Variants in IL9R observed in about 807,000 individuals in gnomAD.
IL9R encodes the protein interleukin-9 receptor.
In IL9R, 54 loss-of-function variants were observed where a neutral mutation model predicts 56.3. The ratio of observed to expected loss-of-function variants is 0.96; its 90% confidence interval spans 0.77 to 1.20. The LOEUF (loss-of-function observed/expected upper bound fraction) is 1.20, where lower values mean the gene tolerates loss of function less well. IL9R is among the 50% of genes most tolerant of loss of function. The pLI is 0.00. For synonymous variants in IL9R, 212 were observed against 250.2 expected (o/e 0.85, Z 1.44); for missense variants, 545 against 629.8 (o/e 0.87, Z 1.44).
At chrX:156,004,655 C>T (rs903304961) in intron 5 of IL9R, 90 bp downstream of exon 5, 188 of 1,331,000 alleles carry the variant, frequency 1.4e-4, no homozygotes, top group Non-Finnish European at 1.8e-4. Flanking sequence ...GAGATGTCAA[C>T]TTGTAGTGAT....
At chrX:156,005,203 T>C in intron 5 of IL9R, 75 bp from the exon 6 acceptor site, 1 of 1,125,804 alleles carries the variant, frequency 8.9e-7, no homozygotes, top group Non-Finnish European at 1.4e-6. Context: ...GAGCATATAA[T>C]GCATGTGTGT....
intron 1 of IL9R, among the ~76,000 whole-genome samples, chrX:156,000,145 A>AATATATATAT (rs1556394101): frequency 4.9e-5 from 7 of 144,278 alleles, no homozygotes; most frequent in African/African-American, 1.3e-4. Flanking sequence ...AAAAAAAAAA[A>AATATATATAT]ATATATATAT....
At position 156,005,023 on chromosome X, in the gene IL9R, A is replaced by G. The variant is rs907228994; in HGVS notation, c.580-255A>G. Among the ~76,000 whole-genome samples the G allele has an allele frequency of 4.6e-5, 7 of 151,788 alleles. No homozygotes were observed. The East Asian group carries it at 7.8e-4, about 17-fold the overall frequency. ...TATGAGTGTGCATGCAAGTGTGATG[A>G]GTGTGAAAGTGTTCCTGTAGACATG... On this transcript the variant is annotated intron_variant, in intron 5 of 8. Transcript: ENST00000244174.
chrX:156,010,291 C>A lies in IL9R; in HGVS notation c.1448C>A (p.Thr483Asn). ...TCTTGTGACCATCAGGGCCTGGAGACCCAGCAAGGAGTTGCCTGGGTGCTG... is the reference window on the plus strand; with the variant it reads ...TCTTGTGACCATCAGGGCCTGGAGAACCAGCAAGGAGTTGCCTGGGTGCTG... ...GLSCDHQGLETQQGVAWVLAG... is the reference protein window; with the variant it reads ...GLSCDHQGLENQQGVAWVLAG... Residue 483 changes from threonine (T) to asparagine (N), a missense_variant, in exon 9 of 9, where the codon ACC (threonine) becomes AAC (asparagine). This residue lies in a region of IL9R where 114 missense variants were observed against 269.8 expected (regional missense o/e 0.42). Coordinates refer to ENST00000244174, the MANE Select transcript of IL9R (RefSeq NM_002186.3). 1 of 1,045,824 alleles carries A rather than the reference C, an allele frequency of 9.6e-7. No individual in the cohort carries two copies. Among genetic ancestry groups the A allele is most frequent in the Non-Finnish European group, 1.3e-6 (1 of 772,624 alleles). 64.8% of individuals were successfully genotyped at this position (1,045,824 alleles called of 1,614,324 possible).
Position 156,003,842 on chromosome X carries a change from G to A in IL9R, c.420G>A (p.Leu140=), listed in dbSNP as rs750523998. 3 of 1,613,916 alleles carry A rather than the reference G, an allele frequency of 1.9e-6. No homozygotes were observed. Among genetic ancestry groups the A allele is most frequent in the Non-Finnish European group, 2.5e-6 (3 of 1,179,842 alleles). ...EQVSLVDPEY[L]PRRHVKLDPP... is the part of the protein sequence containing the mutation. ...TCAGCCTGGTGGACCCGGAGTACCT[G>A]CCCCGGAGACACGGTGAGCAGCAGC... Residue 140 remains leucine (L), a synonymous_variant, in exon 4 of 9, where the codon CTG becomes CTA. Coordinates refer to ENST00000244174, the MANE Select transcript of IL9R (RefSeq NM_002186.3).
At chrX:156,002,099 TG>T (rs1388540623) in intron 1 of IL9R, among the ~76,000 whole-genome samples, 2 of 151,768 alleles carry the variant, frequency 1.3e-5, no homozygotes, top group African/African-American at 2.4e-5. Context: ...CCCAACACTT[TG>T]GGAGGCCAAG....
At chrX:156,007,897 A>T (rs1315370898) in intron 8 of IL9R, 1 of 337,516 alleles carries the variant, frequency 3.0e-6, no homozygotes, top group Non-Finnish European at 4.8e-6. Flanking sequence ...TCTGGTTTGC[A>T]GCTTTCTGCA....
At chrX:156,002,880 A>G in intron 1 of IL9R, 26 bp from the exon 2 acceptor site, 1 of 1,613,492 alleles carries the variant, frequency 6.2e-7, no homozygotes, top group Non-Finnish European at 8.5e-7. Context: ...TGATTTGCAC[A>G]GGGCCCTCAG....
intron 1 of IL9R, among the ~76,000 whole-genome samples, chrX:156,000,143 A>ATATATATATAT (rs1220909165): frequency 2.7e-4 from 35 of 129,862 alleles, no homozygotes; most frequent in African/African-American, 1.1e-3. Context: ...CTAAAAAAAA[A>ATATATATATAT]AAATATATAT....
rs1222014446 is a variant in IL9R, at chrX:156,009,097, CTGTGTGTG to C, written c.973-715_973-708del. ...TCTGTGTGTGTTTGTGTGTGTGTGT[CTGTGTGTG>C]TGTTTATGTGTCTGTGTATGTTTGT... On this transcript the variant is annotated intron_variant, in intron 8 of 8. Coordinates refer to ENST00000244174, the MANE Select transcript of IL9R (RefSeq NM_002186.3). 1.3e-4 allele frequency among the ~76,000 whole-genome samples: 11 copies of C among 87,082 alleles called. No homozygotes were observed. The South Asian group carries it at 3.8e-3, about 30-fold the overall frequency. 57.1% of individuals were successfully genotyped at this position (87,082 alleles called of 152,430 possible).
intron 1 of IL9R, 74 bp downstream of exon 1, chrX:155,997,861 C>T (rs1249622985): frequency 3.5e-6 from 5 of 1,418,974 alleles, no homozygotes; most frequent in Admixed American, 1.7e-5. Flanking sequence ...GACATGTGGC[C>T]CTCCAACTCG....
In IL9R at chrX:156,005,537, C is replaced by T. The variant is rs751810981; in HGVS notation, c.781+58C>T. On this transcript the variant is annotated intron_variant, in intron 6 of 8. Transcript: ENST00000244174. ...GGAGTCTGGGCTGGGCGTCTTCTCC[C>T]CTGTTCACCTCAGCCCTGCACCCTT... is the stretch of plus-strand genomic sequence containing the variant. The T allele has an allele frequency of 2.2e-4, 313 of 1,430,636 alleles. 1 individual carries two copies. The highest frequency in any genetic ancestry group is 2.8e-4 in the Non-Finnish European group (286 of 1,016,614). 88.6% of individuals were successfully genotyped at this position (1,430,636 alleles called of 1,614,324 possible). A position where few individuals can be genotyped will look rare whatever the true frequency, so the allele number is the denominator to read the frequency against.
intron 5 of IL9R, 80 bp downstream of exon 5, chrX:156,004,645 G>A: frequency 7.1e-7 from 1 of 1,413,764 alleles, no homozygotes; most frequent in East Asian, 2.3e-5. Context: ...TCTACATAGG[G>A]AGATGTCAAC....
rs2067852409 is a variant in IL9R at position 156,005,360 on chromosome X, A to C, written c.662A>C (p.Glu221Ala). 3 of 1,612,810 alleles carry C rather than the reference A, an allele frequency of 1.9e-6. No homozygotes were observed. The highest frequency in any genetic ancestry group is 2.5e-6 in the Non-Finnish European group (3 of 1,179,800). The change falls in exon 6 of 9, where the codon GAG becomes GCG. Residue 221 changes from glutamate (E) to alanine (A), a missense_variant. Glu to Ala is a moderately radical substitution (Grantham distance 107). This residue lies in a region of IL9R where 431 missense variants were observed against 360.0 expected (regional missense o/e 1.20). Transcript: ENST00000244174. ...AFELDPGFIH[E>A]ARLRVQMATL... is the part of the protein sequence containing the mutation. ...GAGCTGGACCCTGGCTTTATCCATG[A>C]GGCCAGGCTGCGTGTCCAGATGGCC...
At chrX:156,009,161 ATG>A (rs1569478870) in intron 8 of IL9R, among the ~76,000 whole-genome samples, 4 of 71,968 alleles carry the variant, frequency 5.6e-5, no homozygotes, top group African/African-American at 2.6e-4. Flanking sequence ...GTTTGTGTTT[ATG>A]TGTGTATGTC....
intron 6 of IL9R, among the ~76,000 whole-genome samples, chrX:156,005,842 C>T (rs752037408): frequency 6.0e-5 from 9 of 150,620 alleles, no homozygotes; most frequent in African/African-American, 1.8e-4. Flanking sequence ...TATGACCCAC[C>T]TTGTGGCAGA....
intron 8 of IL9R, among the ~76,000 whole-genome samples, chrX:156,009,075 GTGTGTGTT>G (rs2068233297): frequency 6.6e-6 from 1 of 150,604 alleles, no homozygotes; most frequent in Non-Finnish European, 1.5e-5. Flanking sequence ...GTGTGTGTCT[GTGTGTGTT>G]TGTGTGTGTG....
intron 7 of IL9R, among the ~76,000 whole-genome samples, chrX:156,007,281 A>T (rs1393057161): frequency 7.0e-6 from 1 of 142,782 alleles, no homozygotes; most frequent in African/African-American, 2.7e-5. Context: ...TGAACCCGCC[A>T]TCGCAGCTCA....
intron 3 of IL9R, 23 bp from the exon 4 acceptor site, chrX:156,003,654 G>C: frequency 1.2e-6 from 2 of 1,612,354 alleles, no homozygotes; most frequent in East Asian, 4.5e-5. Flanking sequence ...CAGCCCCGTG[G>C]TGCTGACAAA....
Sources: gnomAD v4.1 joint callset for allele counts (sites outside exome capture counted in the v4.1 genomes callset) on GRCh38, gnomAD v4.1.1 for gene constraint, gnomAD v4.1.1 regional missense constraint, MANE v1.5 for transcripts, NCBI Gene and HGNC (gene_info 2026-07-23, HGNC 2026-07-21) for gene names.